Variants in CNOT4 observed in about 807,000 individuals in gnomAD.
The protein encoded by CNOT4 is CCR4-associated factor 4.
In CNOT4, 8 loss-of-function variants were observed where a neutral mutation model predicts 73.8. The ratio of observed to expected loss-of-function variants is 0.11; its 90% CI spans 0.06 to 0.20. The LOEUF is 0.20. Ranked by LOEUF, CNOT4 falls within the 10% of genes least tolerant of loss-of-function variation. The probability of loss-of-function intolerance (pLI) is 1.00; values close to 1 mark genes in which losing one functional copy is unlikely to be tolerated. For missense variants in CNOT4, 564 were observed against 883.4 expected (o/e 0.64, Z 4.58); for synonymous variants, 293 against 321.1 (o/e 0.91, Z 0.94).
chr7:135,456,591 G>A (rs989209992), intron 1 of CNOT4, among the ~76,000 whole-genome samples: 1 of 151,920 alleles, frequency 6.6e-6, no homozygotes, highest in African/African-American at 2.4e-5. Flanking sequence ...AAAAATCAGA[G>A]GAAGCTCAAG....
At chr7:135,485,063 G>T (rs1563077384) in intron 1 of CNOT4, among the ~76,000 whole-genome samples, 1 of 152,024 alleles carries the variant, frequency 6.6e-6, no homozygotes, top group Admixed American at 6.6e-5. Context: ...AAAATCTTAG[G>T]AAGGATTTTG....
intron 1 of CNOT4, among the ~76,000 whole-genome samples, chr7:135,505,943 C>A (rs1408485045): frequency 6.6e-6 from 1 of 152,150 alleles, no homozygotes; most frequent in East Asian, 1.9e-4. Context: ...TTGTGAAGTT[C>A]TTTTAGAAAA....
chr7:135,455,773 C>T (rs1326430087), intron 1 of CNOT4, among the ~76,000 whole-genome samples: 1 of 152,098 alleles, frequency 6.6e-6, no homozygotes, highest in African/African-American at 2.4e-5. Flanking sequence ...ATTTGAGAGG[C>T]TGAGGCACGA....
At chr7:135,370,704 G>C (rs552055155) in intron 10 of CNOT4, among the ~76,000 whole-genome samples, 1 of 152,288 alleles carries the variant, frequency 6.6e-6, no homozygotes, top group East Asian at 1.9e-4. Context: ...AGAAGAGCTG[G>C]AAAGTGACTT....
chr7:135,487,594 TA>T (rs1286438430), intron 1 of CNOT4, among the ~76,000 whole-genome samples: 2 of 151,956 alleles, frequency 1.3e-5, no homozygotes, highest in African/African-American at 4.8e-5. Context: ...GTAAGAACAA[TA>T]AAAGTAATAG....
At chr7:135,474,046 CTCA>C in intron 1 of CNOT4, among the ~76,000 whole-genome samples, 1 of 147,986 alleles carries the variant, frequency 6.8e-6, no homozygotes, top group Non-Finnish European at 1.5e-5. Context: ...ATGGTGCAAT[CTCA>C]GCTCACTGCA....
intron 1 of CNOT4, chr7:135,509,246 AG>A (rs934854213): frequency 6.6e-6 from 1 of 152,552 alleles, no homozygotes; most frequent in South Asian, 2.1e-4. Flanking sequence ...TAGATACTTA[AG>A]GGGCAGCTTT....
chr7:135,399,146 A>T (rs1796867880), intron 7 of CNOT4, among the ~76,000 whole-genome samples: 2 of 151,232 alleles, frequency 1.3e-5, no homozygotes, highest in Non-Finnish European at 2.9e-5. Flanking sequence ...CCTATAACTA[A>T]CTTTATTTAA....
At chr7:135,455,440 T>C (rs1800465715) in intron 1 of CNOT4, among the ~76,000 whole-genome samples, 1 of 152,140 alleles carries the variant, frequency 6.6e-6, no homozygotes, top group Admixed American at 6.5e-5. Flanking sequence ...AAATATATTC[T>C]ATACACATTT....
intron 10 of CNOT4, among the ~76,000 whole-genome samples, chr7:135,382,676 T>A (rs1019300716): frequency 6.6e-6 from 1 of 152,072 alleles, no homozygotes. Flanking sequence ...TTTTAAAAAA[T>A]TGTGTAATTT....
Position 135,398,215 on chromosome 7 carries a change from T to C in CNOT4, c.833A>G (p.Lys278Arg). ...CCCTATACTGAGAGAATCTGAAGGTTTGTCAATGGGGCTATAAAAAGAAAA... is the reference window on the plus strand; with the variant it reads ...CCCTATACTGAGAGAATCTGAAGGTCTGTCAATGGGGCTATAAAAAGAAAA... ...PLQRYDTPIDKPSDSLSIGNG... is the reference protein window; with the variant it reads ...PLQRYDTPIDRPSDSLSIGNG... The change falls in exon 8 of 12, where the codon AAA (lysine) becomes AGA (arginine). Residue 278 changes from lysine to arginine, a missense_variant. Lys to Arg is a conservative substitution (Grantham distance 26). This residue lies in a region of CNOT4 where 135 missense variants were observed against 154.0 expected (regional missense o/e 0.88). Coordinates refer to ENST00000541284, the MANE Select transcript of CNOT4 (RefSeq NM_001190850.2). 6.5e-7 allele frequency: 1 copy of C among 1,534,530 alleles called. No homozygotes were observed. Among genetic ancestry groups the C allele is most frequent in the Non-Finnish European group, 9.0e-7 (1 of 1,108,176 alleles).
At chr7:135,393,289 T>C (rs985796026) in intron 10 of CNOT4, among the ~76,000 whole-genome samples, 6 of 152,194 alleles carry the variant, frequency 3.9e-5, no homozygotes, top group African/African-American at 1.4e-4. Context: ...TTCATATTTT[T>C]CCCCAGAAAT....
chr7:135,369,299 C>T (rs1795069462), intron 10 of CNOT4, among the ~76,000 whole-genome samples: 1 of 152,162 alleles, frequency 6.6e-6, no homozygotes, highest in Admixed American at 6.5e-5. Flanking sequence ...TTTTGTGCCA[C>T]CAAATCAGGA....
chr7:135,375,491 C>A lies in CNOT4; in HGVS notation c.1628-11425G>T, dbSNP rs544250895. On this transcript the variant is annotated intron_variant, in intron 10 of 11. Coordinates refer to ENST00000541284, the MANE Select transcript of CNOT4 (RefSeq NM_001190850.2). ...ACCTCAGGAGTACACACAAAGCATT[C>A]TGAAAAAGTAGGTATTAGAGAGACT... Among the ~76,000 whole-genome samples the A allele has an allele frequency of 2.0e-5, 3 of 152,278 alleles. No homozygotes were observed. In the South Asian group the frequency reaches 6.2e-4, roughly 32 times the overall value.
intron 1 of CNOT4, among the ~76,000 whole-genome samples, chr7:135,473,298 T>C (rs1042837037): frequency 2.6e-5 from 4 of 152,104 alleles, no homozygotes; most frequent in African/African-American, 7.2e-5. Context: ...TTATTTACAA[T>C]TTAAAAACCA....
chr7:135,441,979 G>A (rs1393039753), intron 1 of CNOT4, among the ~76,000 whole-genome samples: 3 of 152,136 alleles, frequency 2.0e-5, no homozygotes, highest in African/African-American at 7.2e-5. Flanking sequence ...TCTCATAAAT[G>A]GTAAAAGGTA....
intron 1 of CNOT4, among the ~76,000 whole-genome samples, chr7:135,474,740 C>T (rs1801888309): frequency 6.6e-6 from 1 of 152,110 alleles, no homozygotes; most frequent in Non-Finnish European, 1.5e-5. Context: ...AAAGAAAATT[C>T]ACAAGACCAT....
At chr7:135,502,767 G>A (rs894867240) in intron 1 of CNOT4, among the ~76,000 whole-genome samples, 2 of 133,300 alleles carry the variant, frequency 1.5e-5, no homozygotes, top group African/African-American at 2.8e-5. Context: ...AGTGAGCCAA[G>A]ATCATACCAC....
At chr7:135,470,716 T>G (rs750779190) in intron 1 of CNOT4, among the ~76,000 whole-genome samples, 1 of 152,178 alleles carries the variant, frequency 6.6e-6, no homozygotes, top group Non-Finnish European at 1.5e-5. Context: ...GAAAGCATTA[T>G]GCTCAGTAAA....
Sources: gnomAD v4.1 joint callset for allele counts (sites outside exome capture counted in the v4.1 genomes callset) on GRCh38, gnomAD v4.1.1 for gene constraint, gnomAD v4.1.1 regional missense constraint, MANE v1.5 for transcripts, NCBI Gene and HGNC (gene_info 2026-07-23, HGNC 2026-07-21) for gene names.